FXYD7: variants seen among roughly 807,000 people sequenced by gnomAD.
FXYD7 encodes FXYD domain containing ion transport regulator 7.
FXYD7 carries 7 observed loss-of-function variants against 15.3 expected under a neutral mutation model. The ratio of observed to expected loss-of-function variants is 0.46; its 90% CI spans 0.26 to 0.86. FXYD7 has a LOEUF of 0.86. Among genes scored for constraint, FXYD7 ranks in the 40% least tolerant of loss-of-function variants. FXYD7 has a pLI of 0.16. For missense variants in FXYD7, 78 were observed against 100.6 expected, an observed-to-expected ratio of 0.78 and a Z score of 0.96; for synonymous variants, 39 against 39.3, an observed-to-expected ratio of 0.99 and a Z score of 0.03.
chr19:35,153,744 G>A lies in FXYD7; in HGVS notation c.221-150G>A, dbSNP rs1428202917. On this transcript the variant is annotated intron_variant, in intron 5 of 5. Transcript: ENST00000270310. ...CCAAGGGAACAAGACATTAGAGTGTGGGAGGCAAGACAGCTCCTCAGTGTT... is the reference window on the plus strand; with the variant it reads ...CCAAGGGAACAAGACATTAGAGTGTAGGAGGCAAGACAGCTCCTCAGTGTT... 5.8e-6 allele frequency: 4 copies of A among 687,990 alleles called. No individual in the cohort carries two copies. The Admixed American group carries it at 9.0e-5, about 16-fold the overall frequency. 42.6% of individuals were successfully genotyped at this position (687,990 alleles called of 1,614,324 possible).
At chr19:35,153,397 A>T (rs1025875336) in intron 5 of FXYD7, among the ~76,000 whole-genome samples, 1 of 152,184 alleles carries the variant, frequency 6.6e-6, no homozygotes, top group African/African-American at 2.4e-5. Flanking sequence ...AAACATGAAC[A>T]AGGCACTTAT....
In FXYD7 at chr19:35,148,679, G is replaced by A. The variant is rs573925858; in HGVS notation, c.32-15G>A. On this transcript the variant is annotated splice_polypyrimidine_tract_variant and intron_variant, in intron 1 of 5. Coordinates refer to ENST00000270310, the MANE Select transcript of FXYD7 (RefSeq NM_022006.2). ...TTTTTTTTTCTTTCTCTTTTTCTCT[G>A]CTTCTTTCCCTCAGCTCCTGAGGAA... 3 of 1,535,682 alleles carry A rather than the reference G, an allele frequency of 2.0e-6. No individual in the cohort carries two copies. Among genetic ancestry groups the A allele is most frequent in the Non-Finnish European group, 2.6e-6 (3 of 1,140,802 alleles).
intron 5 of FXYD7, among the ~76,000 whole-genome samples, chr19:35,153,302 C>T (rs1343355774): frequency 6.6e-6 from 1 of 152,048 alleles, no homozygotes; most frequent in Admixed American, 6.6e-5. Context: ...TCAAACGATC[C>T]GCCATCCTCG....
At chr19:35,153,484 T>TC (rs1471216864) in intron 5 of FXYD7, among the ~76,000 whole-genome samples, 1 of 152,190 alleles carries the variant, frequency 6.6e-6, no homozygotes, top group African/African-American at 2.4e-5. Context: ...TTCTGGTCTA[T>TC]CCTAGGTGAA....
chr19:35,148,713 AT>A lies in FXYD7; in HGVS notation c.55del (p.Tyr19ThrfsTer12). The stretch of plus-strand genomic sequence containing the variant: ...CCTCAGCTCCTGAGGAACCTGACCC[AT>A]TTTACTATGGTGAGTGTTGGATTTG... ...PTKAPEEPDP[F>X]YYDYNTVQTV... On this transcript the variant is annotated frameshift_variant, in exon 2 of 6. Transcript: ENST00000270310. LOFTEE classifies it high-confidence loss of function. 1 of 1,587,304 alleles carries A rather than the reference AT, an allele frequency of 6.3e-7. No homozygotes were observed. The highest frequency in any genetic ancestry group is 1.3e-5 in the African/African-American group (1 of 74,154).
At chr19:35,145,851 C>T (rs936876501) in intron 1 of FXYD7, among the ~76,000 whole-genome samples, 4 of 150,860 alleles carry the variant, frequency 2.7e-5, no homozygotes, top group African/African-American at 9.8e-5. Context: ...GATCACAGCT[C>T]ACTGCAGCCT....
At position 35,152,134 on chromosome 19, in the gene FXYD7, C is replaced by CAAAAAAAAAAAAAAAAAA. The variant is rs71167517; in HGVS notation, c.220+465_220+482dup. Among the ~76,000 whole-genome samples, 286 of 45,112 alleles carry CAAAAAAAAAAAAAAAAAA rather than the reference C, an allele frequency of 6.3e-3. 33 individuals carry two copies. The highest frequency in any genetic ancestry group is 0.018 in the African/African-American group (211 of 11,500). 29.6% of individuals were successfully genotyped at this position (45,112 alleles called of 152,430 possible). On this transcript the variant is annotated intron_variant, in intron 5 of 5. Transcript: ENST00000270310. The stretch of plus-strand genomic sequence containing the variant: ...AGCCTGGGTGATAGAGTGAGACTGT[C>CAAAAAAAAAAAAAAAAAA]AAAAAAAAAAAAAAAAAAAAAGAGG...
At chr19:35,149,303 A>G (rs1378236136) in intron 2 of FXYD7, 1 of 335,612 alleles carries the variant, frequency 3.0e-6, no homozygotes, top group Non-Finnish European at 5.9e-6. Context: ...CTTTTTCCCT[A>G]GGTGTCAATT....
chr19:35,151,364 C>T (rs371802544), intron 3 of FXYD7, 36 bp downstream of exon 3: 23 of 1,596,412 alleles, frequency 1.4e-5, no homozygotes, highest in African/African-American at 8.0e-5. Context: ...CCTCAGCCTC[C>T]GCTTCCTCTG....
At chr19:35,147,392 T>A (rs767804191) in intron 1 of FXYD7, among the ~76,000 whole-genome samples, 1 of 152,014 alleles carries the variant, frequency 6.6e-6, no homozygotes, top group Non-Finnish European at 1.5e-5. Context: ...GAAGGCCAAA[T>A]ATAATAAGAA....
At chr19:35,153,105 G>T (rs183398913) in intron 5 of FXYD7, among the ~76,000 whole-genome samples, 1 of 128,052 alleles carries the variant, frequency 7.8e-6, no homozygotes, top group Admixed American at 9.6e-5. Context: ...AGGCTGGAGT[G>T]CAGTGGCACG....
At position 35,144,320 on chromosome 19, in the gene FXYD7, C is replaced by G. The variant is rs973620786; in HGVS notation, c.31+956C>G. Among the ~76,000 whole-genome samples the G allele has an allele frequency of 8.5e-5, 13 of 152,252 alleles. No homozygotes were observed. The South Asian group carries it at 1.9e-3, about 22-fold the overall frequency. ...GTATACACCTAGCTGCCCCTACTGC[C>G]CCCATCCAGCCACACACTGATTTCC... On this transcript the variant is annotated intron_variant, in intron 1 of 5. Transcript: ENST00000270310.
intron 5 of FXYD7, among the ~76,000 whole-genome samples, chr19:35,152,940 TAAAAAA>T (rs534802680): frequency 2.8e-5 from 3 of 105,912 alleles, no homozygotes; most frequent in African/African-American, 6.7e-5. Flanking sequence ...TTCTTATAAC[TAAAAAA>T]AAAAAAAAAA....
intron 1 of FXYD7, among the ~76,000 whole-genome samples, chr19:35,148,450 T>C (rs934809001): frequency 2.6e-5 from 4 of 152,184 alleles, no homozygotes; most frequent in South Asian, 2.1e-4. Context: ...TTTGAGAAGA[T>C]TGTACACTGC....
intron 5 of FXYD7, 69 bp from the exon 6 acceptor site, chr19:35,153,825 G>T: frequency 6.8e-7 from 1 of 1,468,880 alleles, no homozygotes. Flanking sequence ...GGAATGGAGA[G>T]CCAACGAGCT....
intron 1 of FXYD7, among the ~76,000 whole-genome samples, chr19:35,148,018 A>G (rs1261956299): frequency 1.5e-5 from 2 of 134,106 alleles, no homozygotes; most frequent in African/African-American, 5.7e-5. Flanking sequence ...GAAAGAAAGA[A>G]GAAAGAAGGA....
chr19:35,145,973 TG>T (rs1309963676), intron 1 of FXYD7, among the ~76,000 whole-genome samples: 1 of 151,984 alleles, frequency 6.6e-6, no homozygotes, highest in African/African-American at 2.4e-5. Context: ...AGACTGCTTT[TG>T]CTATGTTTCC....
chr19:35,151,576 A>G (rs1162386796), intron 4 of FXYD7, 57 bp from the exon 5 acceptor site: 1 of 1,598,154 alleles, frequency 6.3e-7, no homozygotes, highest in African/African-American at 1.3e-5. Flanking sequence ...CGTTTTCCCC[A>G]AAGCCTATGG....
chr19:35,146,781 G>T (rs557491279), intron 1 of FXYD7, among the ~76,000 whole-genome samples: 2 of 152,284 alleles, frequency 1.3e-5, no homozygotes, highest in African/African-American at 4.8e-5. Context: ...GATTAACAAG[G>T]GTTGGAAGGT....
Sources: allele counts gnomAD v4.1 joint callset (sites outside exome capture counted in the v4.1 genomes callset), GRCh38; gene constraint gnomAD v4.1.1; transcripts MANE v1.5; gene names NCBI Gene and HGNC (gene_info 2026-07-23, HGNC 2026-07-21).